Variants in DNAJC16 observed in about 807,000 individuals in gnomAD.
DNAJC16 encodes dnaJ homolog subfamily C member 16.
In DNAJC16, 76 loss-of-function variants were observed where a neutral mutation model predicts 92.7. The observed-to-expected ratio is 0.82, with a 90% CI of 0.68 to 0.99. The LOEUF is 0.99. Ranked by LOEUF, DNAJC16 falls within the 50% of genes least tolerant of loss-of-function variation. The probability of loss-of-function intolerance (pLI) is 0.00; values close to 1 mark genes in which losing one functional copy is unlikely to be tolerated. For missense variants in DNAJC16, 869 were observed against 942.4 expected (o/e 0.92, Z 1.02); for synonymous variants, 328 against 358.7 (o/e 0.91, Z 0.97).
intron 5 of DNAJC16, among the ~76,000 whole-genome samples, chr1:15,545,474 A>G (rs1638279204): frequency 6.6e-6 from 1 of 152,216 alleles, no homozygotes; most frequent in Non-Finnish European, 1.5e-5. Flanking sequence ...ATAGATTAAC[A>G]TAGCCGTTTC....
At chr1:15,539,145 T>C (rs989692729) in intron 4 of DNAJC16, among the ~76,000 whole-genome samples, 1 of 152,256 alleles carries the variant, frequency 6.6e-6, no homozygotes, top group East Asian at 1.9e-4. Context: ...CAGTATAGTA[T>C]TTTTAATTCC....
rs368360730 is a variant in DNAJC16, at chr1:15,562,097, T to G, written c.1155-45T>G. ...CACTTGCCATTATAGGTGCTGGCCC[T>G]GCCATCAGGGATTGGTTATAAAGTT... On this transcript the variant is annotated intron_variant, in intron 8 of 14. Transcript: ENST00000375847. 1,076 of 1,583,642 alleles carry G rather than the reference T, an allele frequency of 6.8e-4. 7 individuals carry two copies. The Middle Eastern group carries it at 0.014, about 21-fold the overall frequency.
intron 2 of DNAJC16, among the ~76,000 whole-genome samples, chr1:15,530,010 C>T (rs1710617083): frequency 6.6e-6 from 1 of 151,764 alleles, no homozygotes; most frequent in South Asian, 2.1e-4. Context: ...CAGTACAATG[C>T]AATTTTTTAA....
rs1299986309 is a variant in DNAJC16, at chr1:15,570,293, T to G, written c.*2116T>G. 6.6e-6 allele frequency: 1 copy of G among 152,230 alleles called. No individual in the cohort carries two copies. The highest frequency in any genetic ancestry group is 1.5e-5 in the Non-Finnish European group (1 of 68,050). 9.4% of individuals were successfully genotyped at this position (152,230 alleles called of 1,614,324 possible). On this transcript the variant is annotated 3_prime_UTR_variant, in exon 15 of 15. Coordinates refer to ENST00000375847, the MANE Select transcript of DNAJC16 (RefSeq NM_015291.4). ...TTATATGAGTGGTCTTTTGGTTTGG[T>G]AGTAGGTTTTTATTTTTAATTTCTG...
At chr1:15,528,844 AAAGTG>A (rs1557565765) in intron 1 of DNAJC16, among the ~76,000 whole-genome samples, 1 of 151,492 alleles carries the variant, frequency 6.6e-6, no homozygotes, top group Non-Finnish European at 1.5e-5. Context: ...TTTTCTAGTC[AAAGTG>A]TTCTGGAGAG....
intron 4 of DNAJC16, among the ~76,000 whole-genome samples, chr1:15,543,623 G>T (rs72645808): frequency 6.6e-6 from 1 of 152,024 alleles, no homozygotes; most frequent in Admixed American, 6.6e-5. Flanking sequence ...TGGCTGCTAT[G>T]TTAAGAACAG....
chr1:15,559,046 T>G (rs968487722), intron 7 of DNAJC16, among the ~76,000 whole-genome samples: 1 of 152,140 alleles, frequency 6.6e-6, no homozygotes, highest in Non-Finnish European at 1.5e-5. Context: ...TTCAACTGAT[T>G]CTCTTGCCTC....
chr1:15,534,534 C>G (rs893074936), intron 3 of DNAJC16, among the ~76,000 whole-genome samples: 6 of 151,910 alleles, frequency 3.9e-5, no homozygotes, highest in Admixed American at 2.6e-4. Flanking sequence ...CCAGCCTGAC[C>G]AACATGCTGA....
intron 4 of DNAJC16, among the ~76,000 whole-genome samples, chr1:15,540,724 A>C (rs565298310): frequency 9.2e-5 from 14 of 152,246 alleles, no homozygotes; most frequent in African/African-American, 3.4e-4. Flanking sequence ...GGCATGAATC[A>C]CCGTGCCCAG....
chr1:15,538,001 T>C (rs2103407147), intron 4 of DNAJC16, among the ~76,000 whole-genome samples: 1 of 152,354 alleles, frequency 6.6e-6, no homozygotes, highest in Non-Finnish European at 1.5e-5. Context: ...GGCCCAGAAG[T>C]TGAGCATCTT....
chr1:15,547,600 G>A (rs1021349636), intron 6 of DNAJC16, among the ~76,000 whole-genome samples: 7 of 151,204 alleles, frequency 4.6e-5, no homozygotes, highest in East Asian at 1.9e-4. Flanking sequence ...ACACCACCAC[G>A]CTCGGCTAAT....
chr1:15,551,754 C>A (rs923819155), intron 7 of DNAJC16, among the ~76,000 whole-genome samples: 3 of 152,084 alleles, frequency 2.0e-5, no homozygotes, highest in Admixed American at 6.6e-5. Context: ...GCTGAGACTA[C>A]AGGCATGCAC....
intron 9 of DNAJC16, among the ~76,000 whole-genome samples, chr1:15,563,682 A>AC (rs1638741557): frequency 6.7e-6 from 1 of 148,756 alleles, no homozygotes; most frequent in Non-Finnish European, 1.5e-5. Flanking sequence ...AAAAAAAAAA[A>AC]AAAAAAAATA....
At chr1:15,556,967 T>C (rs1434061121) in intron 7 of DNAJC16, among the ~76,000 whole-genome samples, 2 of 152,264 alleles carry the variant, frequency 1.3e-5, no homozygotes, top group East Asian at 3.8e-4. Context: ...TTCTTTAATC[T>C]ATATTGTGCT....
In DNAJC16 at chr1:15,568,043, C is replaced by T. The variant is rs1449793484; in HGVS notation, c.2215C>T (p.Arg739Ter). The change falls in exon 15 of 15, where the codon CGA (arginine) becomes TGA (stop). Residue 739 changes from arginine to a stop codon, truncating the protein, a stop_gained. Transcript: ENST00000375847. LOFTEE classifies it high-confidence loss of function. Reference sequence around the variant, plus strand: ...CTCTTCCCTCTACCTGGGTGAATCTCGAGGGAAACCTTCCTGTGGCCTTGG... The same window carrying T: ...CTCTTCCCTCTACCTGGGTGAATCTTGAGGGAAACCTTCCTGTGGCCTTGG... ...VDSSLYLGES[R>*]GKPSCGLGSR... 4.3e-6 allele frequency: 7 copies of T among 1,614,092 alleles called. No homozygotes were observed. The highest frequency in any genetic ancestry group is 1.7e-6 in the Non-Finnish European group (2 of 1,180,050).
rs541210442 is a variant in DNAJC16 at position 15,565,857 on chromosome 1, C to CT, written c.1599-55dup. On this transcript the variant is annotated intron_variant, in intron 11 of 14. Coordinates refer to ENST00000375847, the MANE Select transcript of DNAJC16 (RefSeq NM_015291.4). The stretch of plus-strand genomic sequence containing the variant: ...TTTTGGTTTGGGATTTTTATTTTAT[C>CT]TTTTTTTAGCTGGAGAGAAGAAATT... The CT allele has an allele frequency of 1.2e-3, 1,754 of 1,523,452 alleles. 1 individual carries two copies. Among genetic ancestry groups the CT allele is most frequent in the Admixed American group, 5.0e-3 (267 of 53,610 alleles). 94.4% of individuals were successfully genotyped at this position (1,523,452 alleles called of 1,614,324 possible).
chr1:15,568,367 C>T lies in DNAJC16; in HGVS notation c.*190C>T. 1.8e-6 allele frequency: 1 copy of T among 559,902 alleles called. No homozygotes were observed. The highest frequency in any genetic ancestry group is 3.1e-6 in the Non-Finnish European group (1 of 323,484). The allele number at this position is 559,902 out of a possible 1,614,324, so 34.7% of individuals were successfully genotyped here. ...AATGAAAAACACCACCAGTTTGAAT[C>T]GCCTAGATGAAAATCTTTTCCTCTG... On this transcript the variant is annotated 3_prime_UTR_variant, in exon 15 of 15. Transcript: ENST00000375847.
rs372228019 is a variant in DNAJC16 at position 15,550,113 on chromosome 1, ACAGC to A, written c.1023+1688_1023+1691del. On this transcript the variant is annotated intron_variant, in intron 7 of 14. Transcript: ENST00000375847. ...AAGGAGGCCAAGGACAAAACTCAGA[ACAGC>A]CACCGGCACACAAGACAAGGGGGTG... Among the ~76,000 whole-genome samples the A allele has an allele frequency of 2.7e-3, 404 of 152,340 alleles. 3 individuals carry two copies. The highest frequency in any genetic ancestry group is 9.0e-3 in the African/African-American group (373 of 41,576).
chr1:15,544,148 G>GCACACACACACACACACACACA, intron 4 of DNAJC16, among the ~76,000 whole-genome samples: 1 of 69,444 alleles, frequency 1.4e-5, no homozygotes, highest in African/African-American at 9.6e-5. Flanking sequence ...TTATGTATAT[G>GCACACACACACACACACACACA]CATACACACA....
Sources: allele counts gnomAD v4.1 joint callset (sites outside exome capture counted in the v4.1 genomes callset), GRCh38; gene constraint gnomAD v4.1.1; transcripts MANE v1.5; gene names NCBI Gene and HGNC (gene_info 2026-07-23, HGNC 2026-07-21).